Variants in IL2RB observed in about 807,000 individuals in gnomAD.
IL2RB encodes interleukin-2 receptor subunit beta.
IL2RB carries 17 observed loss-of-function variants against 44.2 expected under a neutral mutation model. That is an observed-to-expected ratio of 0.38 (90% CI 0.26 to 0.58). The LOEUF (loss-of-function observed/expected upper bound fraction) is 0.58. Among genes scored for constraint, IL2RB ranks in the 20% least tolerant of loss-of-function variants. The probability of loss-of-function intolerance (pLI) is 0.63; values close to 1 mark genes in which losing one functional copy is unlikely to be tolerated. For missense variants in IL2RB, 624 were observed against 685.5 expected, an observed-to-expected ratio of 0.91 and a Z score of 1.00; for synonymous variants, 286 against 297.9, an observed-to-expected ratio of 0.96 and a Z score of 0.41.
chr22:37,164,127 G>A (rs1043500290), intron 1 of IL2RB, among the ~76,000 whole-genome samples: 4 of 152,218 alleles, frequency 2.6e-5, no homozygotes, highest in Non-Finnish European at 4.4e-5. Flanking sequence ...AGAGCGGAAA[G>A]CAACAGTCAG....
upstream of IL2RB, among the ~76,000 whole-genome samples, chr22:37,152,195 C>G (rs1236338560): frequency 1.3e-5 from 2 of 152,190 alleles, no homozygotes; most frequent in Non-Finnish European, 2.9e-5. Flanking sequence ...TTCTTCCAAT[C>G]CATAAACATA....
At chr22:37,137,091 C>G (rs1196213633) in intron 6 of IL2RB, among the ~76,000 whole-genome samples, 1 of 152,210 alleles carries the variant, frequency 6.6e-6, no homozygotes, top group Non-Finnish European at 1.5e-5. Flanking sequence ...CCTGCCCTGC[C>G]CCAGTCTGAG....
upstream of IL2RB, among the ~76,000 whole-genome samples, chr22:37,150,904 C>T (rs544829741): frequency 6.6e-6 from 1 of 152,192 alleles, no homozygotes; most frequent in Non-Finnish European, 1.5e-5. Context: ...AAGACAGGAT[C>T]TCATTCTTTT....
chr22:37,148,495 C>T (rs1196102941), intron 1 of IL2RB, among the ~76,000 whole-genome samples: 2 of 152,190 alleles, frequency 1.3e-5, no homozygotes, highest in Admixed American at 6.5e-5. Context: ...CGGATGCCTA[C>T]GTCCCCACCA....
intron 1 of IL2RB, among the ~76,000 whole-genome samples, chr22:37,148,771 C>T (rs571889233): frequency 6.6e-6 from 1 of 152,086 alleles, no homozygotes; most frequent in Non-Finnish European, 1.5e-5. Flanking sequence ...CTCACCCAGG[C>T]GAGAAGGGCA....
At chr22:37,173,578 T>C (rs1277331588) in intron 1 of IL2RB, among the ~76,000 whole-genome samples, 1 of 152,364 alleles carries the variant, frequency 6.6e-6, no homozygotes, top group East Asian at 1.9e-4. Context: ...GTATTTTACA[T>C]ATACTTACTC....
upstream of IL2RB, among the ~76,000 whole-genome samples, chr22:37,152,726 G>A (rs1349877658): frequency 3.3e-5 from 5 of 151,976 alleles, no homozygotes; most frequent in African/African-American, 7.3e-5. Flanking sequence ...GAAGGGTGGC[G>A]TGGGAGCTCA....
At chr22:37,138,471 C>T (rs1326745063) in intron 5 of IL2RB, among the ~76,000 whole-genome samples, 1 of 152,232 alleles carries the variant, frequency 6.6e-6, no homozygotes, top group African/African-American at 2.4e-5. Context: ...ACTTTCCACC[C>T]CACTGCTTCC....
intron 1 of IL2RB, among the ~76,000 whole-genome samples, chr22:37,148,060 G>A (rs1356812516): frequency 6.6e-6 from 1 of 152,250 alleles, no homozygotes; most frequent in Non-Finnish European, 1.5e-5. Context: ...GTGTGAGGAA[G>A]GTGCTGAGGG....
chr22:37,131,563 C>T (rs1921428757), intron 9 of IL2RB, among the ~76,000 whole-genome samples: 1 of 152,132 alleles, frequency 6.6e-6, no homozygotes, highest in Admixed American at 6.5e-5. Context: ...TTTTGTGACT[C>T]AAAGTGACGG....
At chr22:37,174,422 C>G (rs942637236) in intron 1 of IL2RB, among the ~76,000 whole-genome samples, 1 of 152,150 alleles carries the variant, frequency 6.6e-6, no homozygotes, top group African/African-American at 2.4e-5. Context: ...AGCTGGGGAA[C>G]CGTATATGTG....
chr22:37,141,360 G>A lies in IL2RB; in HGVS notation c.282+1074C>T, dbSNP rs942375268. On this transcript the variant is annotated intron_variant, in intron 4 of 9. Transcript: ENST00000216223. The surrounding 1 kb of genome is among the most constrained non-coding windows in gnomAD (Gnocchi z 4.4). Reference sequence around the variant, plus strand: ...GGCATCCCTGCACTCTCAGGGTCTGGGAAGATCCCCCCTTGCCTCCGCAGG... The same window carrying A: ...GGCATCCCTGCACTCTCAGGGTCTGAGAAGATCCCCCCTTGCCTCCGCAGG... 6.6e-6 allele frequency among the ~76,000 whole-genome samples: 1 copy of A among 152,144 alleles called. No homozygotes were observed. Among genetic ancestry groups the A allele is most frequent in the Non-Finnish European group, 1.5e-5 (1 of 68,006 alleles).
intron 1 of IL2RB, among the ~76,000 whole-genome samples, chr22:37,169,186 CTTACAGAGGGGTTCTGT>C (rs1923184168): frequency 1.4e-5 from 2 of 142,636 alleles, no homozygotes; most frequent in East Asian, 4.1e-4. Context: ...GGGGTTCTTA[CTTACAGAGGGGTTCTGT>C]TTACAGAGGG....
chr22:37,149,326 T>C (rs2146252795), intron 1 of IL2RB, among the ~76,000 whole-genome samples: 1 of 152,258 alleles, frequency 6.6e-6, no homozygotes, highest in South Asian at 2.1e-4. Flanking sequence ...ACTTCATAGA[T>C]GGCTCTCCAA....
At chr22:37,129,835 T>C (rs1921334711) in intron 9 of IL2RB, among the ~76,000 whole-genome samples, 1 of 152,190 alleles carries the variant, frequency 6.6e-6, no homozygotes, top group Non-Finnish European at 1.5e-5. Flanking sequence ...GACAACCCTC[T>C]GTCCTGGGAA....
chr22:37,172,069 G>A (rs578146421), intron 1 of IL2RB, among the ~76,000 whole-genome samples: 4 of 152,258 alleles, frequency 2.6e-5, no homozygotes, highest in East Asian at 1.9e-4. Flanking sequence ...ACAGATGCTC[G>A]GCTGACGTTG....
chr22:37,166,272 C>T (rs1027050204), intron 1 of IL2RB, among the ~76,000 whole-genome samples: 2 of 152,222 alleles, frequency 1.3e-5, no homozygotes, highest in Non-Finnish European at 2.9e-5. Context: ...CTCCCCGCCC[C>T]CCCACCTCCT....
At chr22:37,169,053 GT>G (rs1923176140) in intron 1 of IL2RB, among the ~76,000 whole-genome samples, 1 of 151,992 alleles carries the variant, frequency 6.6e-6, no homozygotes, top group Non-Finnish European at 1.5e-5. Context: ...TTACAGAAGG[GT>G]TCTTGTTTTC....
chr22:37,151,414 T>C (rs1161382243), upstream of IL2RB, among the ~76,000 whole-genome samples: 1 of 152,246 alleles, frequency 6.6e-6, no homozygotes, highest in Non-Finnish European at 1.5e-5. Flanking sequence ...ATGGGATTTC[T>C]ATAATTTTTT....
Sources: gnomAD v4.1 joint callset for allele counts (sites outside exome capture counted in the v4.1 genomes callset) on GRCh38, gnomAD v4.1.1 for gene constraint, Gnocchi (gnomAD v3.1) non-coding constraint, MANE v1.5 for transcripts, NCBI Gene and HGNC (gene_info 2026-07-23, HGNC 2026-07-21) for gene names.